The following CTNNA2 variants were observed in gnomAD, a reference collection of about 807,000 sequenced individuals.
CTNNA2 encodes the protein catenin alpha 2, also known as catenin alpha-2.
CTNNA2 carries 42 observed loss-of-function variants against 101.0 expected under a neutral mutation model. The observed-to-expected ratio is 0.42, with a 90% confidence interval of 0.32 to 0.54. The LOEUF is 0.54. Among genes scored for constraint, CTNNA2 ranks in the 20% least tolerant of loss-of-function variants. The probability of loss-of-function intolerance (pLI) is 0.14; values close to 1 mark genes in which losing one functional copy is unlikely to be tolerated. For missense variants in CTNNA2, 871 were observed against 1,223.1 expected (o/e 0.71, Z 4.29); for synonymous variants, 450 against 456.4 (o/e 0.99, Z 0.18).
chr2:80,134,351 T>C (rs945889345), intron 7 of CTNNA2, among the ~76,000 whole-genome samples: 1 of 152,032 alleles, frequency 6.6e-6, no homozygotes, highest in Admixed American at 6.6e-5. Flanking sequence ...CCAAGGCCAA[T>C]TGATGGTTGC....
At chr2:80,544,214 G>C (rs1691836600) in intron 9 of CTNNA2, among the ~76,000 whole-genome samples, 1 of 151,586 alleles carries the variant, frequency 6.6e-6, no homozygotes, top group South Asian at 2.1e-4. Flanking sequence ...TCCATCTTCA[G>C]AGCCAACTGT....
chr2:80,428,607 G>A (rs1681202735), intron 9 of CTNNA2, among the ~76,000 whole-genome samples: 1 of 152,162 alleles, frequency 6.6e-6, no homozygotes, highest in Non-Finnish European at 1.5e-5. Context: ...ATCCCAGACT[G>A]TTTCTCAGTT....
At chr2:79,739,390 A>G (rs1671122461) in intron 2 of CTNNA2, among the ~76,000 whole-genome samples, 1 of 152,162 alleles carries the variant, frequency 6.6e-6, no homozygotes, top group South Asian at 2.1e-4. Flanking sequence ...GTATGCTTAC[A>G]TTTGCCTTTT....
At position 79,856,788 on chromosome 2, in the gene CTNNA2, G is replaced by A. The variant is rs140586124; in HGVS notation, c.299-1225G>A. On this transcript the variant is annotated intron_variant, in intron 3 of 18. Coordinates refer to ENST00000402739, the MANE Select transcript of CTNNA2 (RefSeq NM_001282597.3). The stretch of plus-strand genomic sequence containing the variant: ...TTCACATCTAGTCAGCCCTTAGATC[G>A]GTTGGTTGTGTCACACAGATGCATT... Among the ~76,000 whole-genome samples the A allele has an allele frequency of 8.9e-4, 136 of 152,138 alleles. 1 individual carries two copies. Among genetic ancestry groups the A allele is most frequent in the Non-Finnish European group, 1.5e-3 (103 of 68,014 alleles).
chr2:80,126,347 C>T (rs1396335749), intron 7 of CTNNA2, among the ~76,000 whole-genome samples: 1 of 152,008 alleles, frequency 6.6e-6, no homozygotes, highest in African/African-American at 2.4e-5. Flanking sequence ...CCTCCTCTCC[C>T]TAATGATCCT....
At chr2:80,461,921 C>T (rs1572948462) in intron 9 of CTNNA2, among the ~76,000 whole-genome samples, 2 of 152,326 alleles carry the variant, frequency 1.3e-5, no homozygotes, top group South Asian at 4.1e-4. Context: ...TGCAAGTTGT[C>T]AGCAAGGGCA....
intron 3 of CTNNA2, among the ~76,000 whole-genome samples, chr2:79,826,284 A>G (rs996876267): frequency 6.6e-6 from 1 of 152,268 alleles, no homozygotes; most frequent in Non-Finnish European, 1.5e-5. Context: ...GTTGGAAACT[A>G]AGGGGCATTT....
At chr2:79,909,933 C>G in intron 7 of CTNNA2, 136 bp downstream of exon 7, 1 of 871,438 alleles carries the variant, frequency 1.1e-6, no homozygotes, top group Non-Finnish European at 1.7e-6. Context: ...AACCAAAGAA[C>G]TGCTTTGGGA....
At chr2:79,355,857 T>G (rs1677497634) in intron 3 of CTNNA2, among the ~76,000 whole-genome samples, 1 of 152,132 alleles carries the variant, frequency 6.6e-6, no homozygotes, top group Admixed American at 6.6e-5. Context: ...GACATTTGGG[T>G]AGTTTCCACC....
At chr2:80,565,918 T>C (rs1056204206) in intron 12 of CTNNA2, among the ~76,000 whole-genome samples, 3 of 152,186 alleles carry the variant, frequency 2.0e-5, no homozygotes, top group Non-Finnish European at 2.9e-5. Flanking sequence ...GAGGCTTAAA[T>C]TGGTTTAATA....
chr2:80,445,973 G>A (rs1323395199), intron 9 of CTNNA2, among the ~76,000 whole-genome samples: 1 of 152,118 alleles, frequency 6.6e-6, no homozygotes, highest in Non-Finnish European at 1.5e-5. Context: ...CTGTAAAATG[G>A]GGAGTATTGT....
intron 7 of CTNNA2, among the ~76,000 whole-genome samples, chr2:79,926,142 C>T (rs2104399871): frequency 6.6e-6 from 1 of 152,192 alleles, no homozygotes; most frequent in Admixed American, 6.6e-5. Context: ...GTTCTGGCCC[C>T]CTCTTCACGC....
chr2:80,359,957 A>G (rs1674236048), intron 7 of CTNNA2, among the ~76,000 whole-genome samples: 1 of 152,114 alleles, frequency 6.6e-6, no homozygotes, highest in Non-Finnish European at 1.5e-5. Context: ...ATTATATTTA[A>G]TCTGTCAGTA....
chr2:80,453,021 G>A (rs1260226975), intron 9 of CTNNA2, among the ~76,000 whole-genome samples: 1 of 152,088 alleles, frequency 6.6e-6, no homozygotes, highest in South Asian at 2.1e-4. Flanking sequence ...TGACAGCCTG[G>A]GACCTCTTTG....
At chr2:79,666,490 A>T (rs1435203201) in intron 2 of CTNNA2, among the ~76,000 whole-genome samples, 1 of 151,986 alleles carries the variant, frequency 6.6e-6, no homozygotes, top group African/African-American at 2.4e-5. Flanking sequence ...TCATTATTAG[A>T]TTTTTACTGT....
At chr2:79,784,327 C>T (rs1674677267) in intron 3 of CTNNA2, among the ~76,000 whole-genome samples, 2 of 151,904 alleles carry the variant, frequency 1.3e-5, no homozygotes, top group South Asian at 4.1e-4. Context: ...TTCCCCTGGG[C>T]ACAGTTATGA....
At chr2:79,750,929 A>G (rs1382820256) in intron 3 of CTNNA2, among the ~76,000 whole-genome samples, 1 of 152,110 alleles carries the variant, frequency 6.6e-6, no homozygotes, top group African/African-American at 2.4e-5. Flanking sequence ...GATATTCTAT[A>G]TTAAAATATT....
At position 80,277,608 on chromosome 2, in the gene CTNNA2, A is replaced by T. The variant is rs1229168684; in HGVS notation, c.1057-115603A>T. ...ACCAAACCTTGAAGCATGTGTAGAA[A>T]CTGGATCCTAAAAGGAGAAAATAGG... On this transcript the variant is annotated intron_variant, in intron 7 of 18. Transcript: ENST00000402739. Among the ~76,000 whole-genome samples, 4 of 151,724 alleles carry T rather than the reference A, an allele frequency of 2.6e-5. No individual in the cohort carries two copies. In the East Asian group the frequency reaches 5.8e-4, roughly 22 times the overall value.
chr2:79,405,076 A>T (rs1678327303), intron 4 of CTNNA2, among the ~76,000 whole-genome samples: 1 of 152,050 alleles, frequency 6.6e-6, no homozygotes. Flanking sequence ...TTTAATTAAG[A>T]TGCCTAATCA....
Sources: allele counts gnomAD v4.1 joint callset (sites outside exome capture counted in the v4.1 genomes callset), GRCh38; gene constraint gnomAD v4.1.1; transcripts MANE v1.5; gene names NCBI Gene and HGNC (gene_info 2026-07-23, HGNC 2026-07-21).